LMBRD1: variants seen among roughly 807,000 people sequenced by gnomAD.
The protein encoded by LMBRD1 is lysosomal cobalamin transport escort protein LMBD1.
LMBRD1 carries 64 observed loss-of-function variants against 74.8 expected under a neutral mutation model. The ratio of observed to expected loss-of-function variants is 0.86; its 90% CI spans 0.70 to 1.05. LMBRD1 has a LOEUF of 1.05. Among genes scored for constraint, LMBRD1 ranks in the 50% least tolerant of loss-of-function variants. LMBRD1 has a pLI of 0.00. For missense variants in LMBRD1, 652 were observed against 645.9 expected (o/e 1.01, Z -0.10); for synonymous variants, 204 against 216.3 (o/e 0.94, Z 0.50).
chr6:69,724,247 A>G lies in LMBRD1; in HGVS notation c.637-5166T>C, dbSNP rs140152087. Among the ~76,000 whole-genome samples the G allele has an allele frequency of 3.3e-3, 499 of 151,290 alleles. 2 individuals carry two copies. The highest frequency in any genetic ancestry group is 5.9e-3 in the Non-Finnish European group (397 of 67,708). ...AATTCTATCAAACATTTAATGAAGA[A>G]CTAATATCAGTCCTACTCAAACTGC... On this transcript the variant is annotated intron_variant, in intron 7 of 15. Transcript: ENST00000649934.
chr6:69,796,918 G>A lies in LMBRD1; in HGVS notation c.-37C>T. Reference sequence around the variant, plus strand: ...GTCCAGACCAACCTGAGCGCCCGGGGTGGGGAAAGGGGAGGGGGAAAGGGG... The same window carrying A: ...GTCCAGACCAACCTGAGCGCCCGGGATGGGGAAAGGGGAGGGGGAAAGGGG... On this transcript the variant is annotated 5_prime_UTR_variant, in exon 1 of 16. Transcript: ENST00000649934. 7 of 1,594,892 alleles carry A rather than the reference G, an allele frequency of 4.4e-6. No individual in the cohort carries two copies. The highest frequency in any genetic ancestry group is 1.3e-5 in the African/African-American group (1 of 74,630).
rs1009479938 is a variant in LMBRD1, at chr6:69,735,723, G to C, written c.636+2219C>G. ...TAGCTTATTTAATTCGGAGCCACCA[G>C]AGTGATACTGTTAAAATGTTTGTCA... On this transcript the variant is annotated intron_variant, in intron 7 of 15. Transcript: ENST00000649934. 5.9e-5 allele frequency among the ~76,000 whole-genome samples: 9 copies of C among 152,270 alleles called. No homozygotes were observed. In the South Asian group the frequency reaches 1.9e-3, roughly 32 times the overall value.
At chr6:69,715,497 T>C (rs773179804) in intron 8 of LMBRD1, among the ~76,000 whole-genome samples, 1 of 152,076 alleles carries the variant, frequency 6.6e-6, no homozygotes, top group Non-Finnish European at 1.5e-5. Flanking sequence ...ATCTACCTCA[T>C]TTGAAAGAAA....
At chr6:69,741,737 A>G in intron 6 of LMBRD1, 52 bp downstream of exon 6, 2 of 1,115,848 alleles carry the variant, frequency 1.8e-6, no homozygotes, top group Non-Finnish European at 2.7e-6. Context: ...TCAAAAGTCC[A>G]AAGTATCAGG....
At chr6:69,751,511 G>C (rs2149877539) in intron 4 of LMBRD1, among the ~76,000 whole-genome samples, 1 of 152,302 alleles carries the variant, frequency 6.6e-6, no homozygotes, top group South Asian at 2.1e-4. Context: ...ACTTTTAGTA[G>C]AGACAAGGTT....
intron 14 of LMBRD1, 49 bp downstream of exon 14, chr6:69,697,514 G>T (rs773963746): frequency 1.6e-6 from 2 of 1,262,288 alleles, no homozygotes. Context: ...AAAATGCCAG[G>T]AAATTCTTTT....
intron 8 of LMBRD1, among the ~76,000 whole-genome samples, 162 bp downstream of exon 8, chr6:69,718,794 A>G (rs948825111): frequency 1.3e-5 from 2 of 152,218 alleles, no homozygotes; most frequent in Non-Finnish European, 2.9e-5. Context: ...ACAATTCAAG[A>G]TAAGATTTAA....
At chr6:69,706,375 GTTAA>G (rs1766259907) in intron 9 of LMBRD1, among the ~76,000 whole-genome samples, 1 of 152,088 alleles carries the variant, frequency 6.6e-6, no homozygotes. Context: ...TGAATATAAG[GTTAA>G]TTTTCAAGTG....
At chr6:69,726,005 C>G (rs1582092177) in intron 7 of LMBRD1, among the ~76,000 whole-genome samples, 1 of 151,964 alleles carries the variant, frequency 6.6e-6, no homozygotes, top group East Asian at 1.9e-4. Context: ...GATTAATAAC[C>G]AAAATATATA....
At chr6:69,794,998 T>A (rs1226169388) in intron 1 of LMBRD1, among the ~76,000 whole-genome samples, 1 of 152,220 alleles carries the variant, frequency 6.6e-6, no homozygotes, top group East Asian at 1.9e-4. Flanking sequence ...AGCTTTGGTG[T>A]AGTGTCAAAA....
intron 4 of LMBRD1, 97 bp downstream of exon 4, chr6:69,752,162 C>G: frequency 8.4e-7 from 1 of 1,194,616 alleles, no homozygotes; most frequent in East Asian, 2.6e-5. Context: ...TATTAGACAA[C>G]ACTGCTCTAG....
At position 69,699,072 on chromosome 6, in the gene LMBRD1, T is replaced by A; in HGVS notation, c.1309A>T (p.Met437Leu). 2 of 1,605,356 alleles carry A rather than the reference T, an allele frequency of 1.2e-6. No individual in the cohort carries two copies. Among genetic ancestry groups the A allele is most frequent in the Non-Finnish European group, 1.7e-6 (2 of 1,172,692 alleles). Reference protein sequence around the residue: ...MIYSLAPQYVMYGSQNYLIET... With the variant: ...MIYSLAPQYVLYGSQNYLIET... ...ATTAAGTAATTTTGGCTTCCATACA[T>A]AACATATTGGGGAGCAAGACTATAA... Residue 437 changes from methionine (M) to leucine (L), a missense_variant, in exon 13 of 16, where the codon ATG (methionine) becomes TTG (leucine). Met to Leu is a conservative substitution (Grantham distance 15). Around this residue, in one of 3 missense-constraint regions of LMBRD1, gnomAD observed 598 missense variants for 581.8 expected, o/e 1.03. Transcript: ENST00000649934.
chr6:69,743,537 G>A (rs760466996), intron 5 of LMBRD1, among the ~76,000 whole-genome samples: 1 of 152,122 alleles, frequency 6.6e-6, no homozygotes, highest in Non-Finnish European at 1.5e-5. Flanking sequence ...TAAGTTAAGT[G>A]ACCCACACTA....
intron 14 of LMBRD1, among the ~76,000 whole-genome samples, chr6:69,695,649 A>G (rs1336813554): frequency 6.6e-6 from 1 of 151,982 alleles, no homozygotes; most frequent in Non-Finnish European, 1.5e-5. Flanking sequence ...TTTTTTTTAA[A>G]TTGTTTCTTT....
chr6:69,769,893 A>G (rs1314339525), intron 3 of LMBRD1, among the ~76,000 whole-genome samples: 1 of 152,162 alleles, frequency 6.6e-6, no homozygotes, highest in Non-Finnish European at 1.5e-5. Context: ...AAACAACTCA[A>G]GCCAATAAGA....
intron 9 of LMBRD1, 45 bp from the exon 10 acceptor site, chr6:69,701,998 A>G: frequency 8.4e-7 from 1 of 1,184,324 alleles, no homozygotes; most frequent in Non-Finnish European, 1.3e-6. Context: ...CTAAAAGTTG[A>G]TATTAAAAGC....
Position 69,684,941 on chromosome 6 carries a change from C to A in LMBRD1, c.1418-8400G>T, listed in dbSNP as rs1765732448. 4.6e-5 allele frequency among the ~76,000 whole-genome samples: 7 copies of A among 152,088 alleles called. No homozygotes were observed. The South Asian group carries it at 1.5e-3, about 32-fold the overall frequency. ...TTTAAAAAGAGAAAAGACAAAGGAACAAATTTTAGAATGTGGTTCAATTCT... is the reference window on the plus strand; with the variant it reads ...TTTAAAAAGAGAAAAGACAAAGGAAAAAATTTTAGAATGTGGTTCAATTCT... On this transcript the variant is annotated intron_variant, in intron 14 of 15. Transcript: ENST00000649934.
chr6:69,759,401 T>C (rs1365935303), intron 3 of LMBRD1, among the ~76,000 whole-genome samples: 3 of 152,070 alleles, frequency 2.0e-5, no homozygotes, highest in Admixed American at 6.6e-5. Flanking sequence ...CACCTGCAAA[T>C]TGATTCTTTA....
chr6:69,675,911 A>C lies in LMBRD1; in HGVS notation c.*247T>G. 6.5e-6 allele frequency: 3 copies of C among 462,452 alleles called. No homozygotes were observed. Among genetic ancestry groups the C allele is most frequent in the Non-Finnish European group, 1.2e-5 (3 of 255,022 alleles). 28.6% of individuals were successfully genotyped at this position (462,452 alleles called of 1,614,324 possible). A position where few individuals can be genotyped will look rare whatever the true frequency, so the allele number is the denominator to read the frequency against. On this transcript the variant is annotated 3_prime_UTR_variant, in exon 16 of 16. Transcript: ENST00000649934. ...ACACTATTATACATTAGAGGAAAAA[A>C]TTTTGCACAAACATTCCCTCACAAA...
Sources: allele counts gnomAD v4.1 joint callset (sites outside exome capture counted in the v4.1 genomes callset), GRCh38; gene constraint gnomAD v4.1.1; regional missense constraint gnomAD v4.1.1; transcripts MANE v1.5; gene names NCBI Gene and HGNC (gene_info 2026-07-23, HGNC 2026-07-21).